Variants in NALCN observed in about 807,000 individuals in gnomAD.
NALCN encodes sodium leak channel, non-selective.
NALCN carries 111 observed loss-of-function variants against 225.3 expected under a neutral mutation model. That is an observed-to-expected ratio of 0.49 (90% CI 0.42 to 0.58). The LOEUF is 0.58. Ranked by LOEUF, NALCN falls within the 20% of genes least tolerant of loss-of-function variation. The probability of loss-of-function intolerance (pLI) is 0.00; values close to 1 mark genes in which losing one functional copy is unlikely to be tolerated. For synonymous variants in NALCN, 764 were observed against 769.0 expected (o/e 0.99, Z 0.11); for missense variants, 1,378 against 2,202.4 (o/e 0.63, Z 7.49).
chr13:101,125,149 C>T (rs1001179632), intron 17 of NALCN, among the ~76,000 whole-genome samples: 6 of 151,826 alleles, frequency 4.0e-5, no homozygotes, highest in African/African-American at 1.2e-4. Flanking sequence ...TCCTAGTTGG[C>T]GATGATAAAA....
At chr13:101,212,087 C>G (rs2040546343) in intron 13 of NALCN, among the ~76,000 whole-genome samples, 1 of 152,148 alleles carries the variant, frequency 6.6e-6, no homozygotes, top group Admixed American at 6.6e-5. Flanking sequence ...ATTGCTACTG[C>G]CATCCTTTGG....
intron 13 of NALCN, among the ~76,000 whole-genome samples, chr13:101,218,674 T>G (rs1482500598): frequency 1.3e-5 from 2 of 152,140 alleles, no homozygotes; most frequent in Non-Finnish European, 2.9e-5. Flanking sequence ...GAGTGAGTCA[T>G]CATGAAATCA....
At chr13:101,201,914 T>C (rs1427185292) in intron 13 of NALCN, among the ~76,000 whole-genome samples, 1 of 152,116 alleles carries the variant, frequency 6.6e-6, no homozygotes, top group Admixed American at 6.6e-5. Flanking sequence ...ATTGAGAGAG[T>C]CCCTGTTATA....
chr13:101,323,088 C>A (rs2044810714), intron 7 of NALCN, among the ~76,000 whole-genome samples: 1 of 152,094 alleles, frequency 6.6e-6, no homozygotes. Flanking sequence ...ATCACTTCAA[C>A]AAAATAACAG....
At chr13:101,337,912 C>A (rs1594702003) in intron 7 of NALCN, among the ~76,000 whole-genome samples, 1 of 152,282 alleles carries the variant, frequency 6.6e-6, no homozygotes, top group African/African-American at 2.4e-5. Context: ...AGAGTTCATT[C>A]TTGCTTATCT....
chr13:101,064,251 A>C (rs1761388401), intron 40 of NALCN, among the ~76,000 whole-genome samples: 1 of 152,194 alleles, frequency 6.6e-6, no homozygotes, highest in African/African-American at 2.4e-5. Flanking sequence ...TCATCATGGA[A>C]GAGAATGACA....
At chr13:101,309,809 CAT>C (rs1395609295) in intron 7 of NALCN, among the ~76,000 whole-genome samples, 3 of 152,126 alleles carry the variant, frequency 2.0e-5, no homozygotes, top group African/African-American at 7.2e-5. Flanking sequence ...ATTATTCAAT[CAT>C]GTTTTCTGTT....
chr13:101,299,654 A>G lies in NALCN; in HGVS notation c.800-7288T>C, dbSNP rs373735625. On this transcript the variant is annotated intron_variant, in intron 7 of 43. Transcript: ENST00000251127. The stretch of plus-strand genomic sequence containing the variant: ...ATGAAACCTAAGCAGCAGCCACCAG[A>G]TTAAGAACAAAGTGGCCACCTCTTC... Among the ~76,000 whole-genome samples, 5 of 152,324 alleles carry G rather than the reference A, an allele frequency of 3.3e-5. 1 individual carries two copies. Among genetic ancestry groups the G allele is most frequent in the East Asian group, 1.9e-4 (1 of 5,186 alleles).
intron 14 of NALCN, among the ~76,000 whole-genome samples, chr13:101,183,604 T>G (rs1404157502): frequency 1.3e-5 from 2 of 152,012 alleles, no homozygotes; most frequent in African/African-American, 4.8e-5. Flanking sequence ...GGATTTTAGG[T>G]GCCTGCCACC....
chr13:101,143,567 C>T (rs2037201996), intron 16 of NALCN, among the ~76,000 whole-genome samples: 2 of 151,980 alleles, frequency 1.3e-5, no homozygotes, highest in Admixed American at 6.5e-5. Flanking sequence ...CGAGTTTAAG[C>T]AATTCTCCTG....
chr13:101,224,812 C>A (rs9518343), intron 13 of NALCN, among the ~76,000 whole-genome samples: 70,975 of 151,888 alleles, frequency 0.47, 17,328 homozygotes, highest in Non-Finnish European at 0.53. Flanking sequence ...CCCATAACTA[C>A]ACACACCCCC....
At chr13:101,145,791 G>A (rs147632775) in intron 15 of NALCN, among the ~76,000 whole-genome samples, 1 of 152,180 alleles carries the variant, frequency 6.6e-6, no homozygotes, top group East Asian at 1.9e-4. Context: ...TTCTGTCCCG[G>A]CTTCCCAAAC....
intron 7 of NALCN, among the ~76,000 whole-genome samples, chr13:101,340,694 T>C (rs1033152046): frequency 1.3e-5 from 2 of 152,216 alleles, no homozygotes; most frequent in African/African-American, 4.8e-5. Flanking sequence ...GCCATTCTTT[T>C]GAACAACTGT....
intron 27 of NALCN, among the ~76,000 whole-genome samples, chr13:101,097,037 T>C (rs1315771358): frequency 3.9e-5 from 6 of 152,194 alleles, no homozygotes; most frequent in Admixed American, 3.9e-4. Context: ...AGCTTAGGGT[T>C]CCCTGGGCTT....
At chr13:101,061,852 A>C in intron 41 of NALCN, 116 bp downstream of exon 41, 1 of 943,516 alleles carries the variant, frequency 1.1e-6, no homozygotes, top group Admixed American at 2.7e-5. Context: ...AAAGGGATAG[A>C]AGGCTGATCA....
intron 6 of NALCN, among the ~76,000 whole-genome samples, chr13:101,349,544 G>A (rs555725731): frequency 6.6e-6 from 1 of 152,246 alleles, no homozygotes; most frequent in African/African-American, 2.4e-5. Context: ...TCATGGCTGT[G>A]GTTGGAGAGA....
At chr13:101,301,336 C>G (rs1287585269) in intron 7 of NALCN, among the ~76,000 whole-genome samples, 1 of 152,168 alleles carries the variant, frequency 6.6e-6, no homozygotes, top group Non-Finnish European at 1.5e-5. Flanking sequence ...GTCAGATACC[C>G]CTCAGCCTGT....
chr13:101,289,009 G>A (rs948970437), intron 9 of NALCN, among the ~76,000 whole-genome samples: 1 of 152,200 alleles, frequency 6.6e-6, no homozygotes, highest in Non-Finnish European at 1.5e-5. Context: ...TCAGGACTTC[G>A]TCTTTCAGCT....
intron 14 of NALCN, among the ~76,000 whole-genome samples, chr13:101,177,191 T>C (rs1433904119): frequency 6.6e-6 from 1 of 152,152 alleles, no homozygotes; most frequent in East Asian, 1.9e-4. Flanking sequence ...TGACTGCAGC[T>C]GTAGACAACA....
Sources: allele counts gnomAD v4.1 joint callset (sites outside exome capture counted in the v4.1 genomes callset), GRCh38; gene constraint gnomAD v4.1.1; transcripts MANE v1.5; gene names NCBI Gene and HGNC (gene_info 2026-07-23, HGNC 2026-07-21).